UNC5D: variants seen among roughly 807,000 people sequenced by gnomAD.
The protein encoded by UNC5D is netrin receptor UNC5D.
In UNC5D, 39 loss-of-function variants were observed where a neutral mutation model predicts 105.4. The ratio of observed to expected loss-of-function variants is 0.37; its 90% confidence interval spans 0.29 to 0.48. UNC5D has a LOEUF of 0.48. UNC5D is among the 20% of genes least tolerant of loss of function. The probability of loss-of-function intolerance (pLI) is 0.98; values close to 1 mark genes in which losing one functional copy is unlikely to be tolerated. For missense variants in UNC5D, 991 were observed against 1,202.4 expected (o/e 0.82, Z 2.60); for synonymous variants, 452 against 450.4 (o/e 1.00, Z -0.04).
chr8:35,522,334 T>G lies in UNC5D; in HGVS notation c.104-26958T>G, dbSNP rs908868590. ...TAAACTCAATTCTCCTAGTCTTTGATGAGCTCTCATGTGAAGCCAAATCTA... is the reference window on the plus strand; with the variant it reads ...TAAACTCAATTCTCCTAGTCTTTGAGGAGCTCTCATGTGAAGCCAAATCTA... On this transcript the variant is annotated intron_variant, in intron 1 of 16. Coordinates refer to ENST00000404895, the MANE Select transcript of UNC5D (RefSeq NM_080872.4). Among the ~76,000 whole-genome samples, 26 of 152,326 alleles carry G rather than the reference T, an allele frequency of 1.7e-4. 1 individual carries two copies. The highest frequency in any genetic ancestry group is 6.5e-5 in the Admixed American group (1 of 15,298).
At chr8:35,257,695 AT>A (rs1804181537) in intron 1 of UNC5D, among the ~76,000 whole-genome samples, 1 of 152,138 alleles carries the variant, frequency 6.6e-6, no homozygotes, top group South Asian at 2.1e-4. Flanking sequence ...CTGAGCTTTT[AT>A]TGCCAGAGAC....
At chr8:35,581,223 G>C (rs921734817) in intron 3 of UNC5D, among the ~76,000 whole-genome samples, 2 of 152,008 alleles carry the variant, frequency 1.3e-5, no homozygotes, top group African/African-American at 4.8e-5. Context: ...TAGTATTCTA[G>C]ATCTCCATCT....
chr8:35,684,845 C>G, intron 6 of UNC5D, 96 bp downstream of exon 6: 1 of 1,427,230 alleles, frequency 7.0e-7, no homozygotes, highest in Non-Finnish European at 9.3e-7. Context: ...CAAAGTTACC[C>G]TCTCCCAAGT....
intron 10 of UNC5D, among the ~76,000 whole-genome samples, chr8:35,730,586 T>C (rs1216475921): frequency 6.6e-6 from 1 of 152,164 alleles, no homozygotes; most frequent in Non-Finnish European, 1.5e-5. Context: ...ATTAGATCAC[T>C]CACTCACCCA....
intron 1 of UNC5D, among the ~76,000 whole-genome samples, chr8:35,502,234 G>A (rs189914447): frequency 4.5e-4 from 68 of 152,290 alleles, no homozygotes; most frequent in Non-Finnish European, 1.5e-5. Context: ...TCAGAGGGCT[G>A]GATAAACAGT....
At chr8:35,456,415 G>A (rs2128994792) in intron 1 of UNC5D, among the ~76,000 whole-genome samples, 1 of 152,294 alleles carries the variant, frequency 6.6e-6, no homozygotes, top group South Asian at 2.1e-4. Flanking sequence ...CACACTTTGA[G>A]ATCCACTGCT....
chr8:35,371,399 G>C (rs2128925113), intron 1 of UNC5D, among the ~76,000 whole-genome samples: 1 of 152,176 alleles, frequency 6.6e-6, no homozygotes, highest in African/African-American at 2.4e-5. Context: ...GCCTTCTCTT[G>C]CCTTTGATGA....
At chr8:35,719,589 T>C (rs1828461776) in intron 8 of UNC5D, among the ~76,000 whole-genome samples, 1 of 152,180 alleles carries the variant, frequency 6.6e-6, no homozygotes, top group South Asian at 2.1e-4. Flanking sequence ...ATCACTACCT[T>C]GTCCTTACCA....
At chr8:35,648,670 G>C in intron 4 of UNC5D, among the ~76,000 whole-genome samples, 1 of 117,890 alleles carries the variant, frequency 8.5e-6, no homozygotes, top group Admixed American at 9.6e-5. Context: ...CAGAGTGAGA[G>C]TCCGTCTCAA....
At chr8:35,693,055 C>A (rs529853137) in intron 7 of UNC5D, among the ~76,000 whole-genome samples, 1 of 152,252 alleles carries the variant, frequency 6.6e-6, no homozygotes, top group African/African-American at 2.4e-5. Flanking sequence ...AAATGCTTTC[C>A]CATTATGGGA....
At chr8:35,583,232 A>G (rs747485382) in intron 3 of UNC5D, among the ~76,000 whole-genome samples, 7 of 152,176 alleles carry the variant, frequency 4.6e-5, no homozygotes, top group African/African-American at 7.2e-5. Context: ...ATGTGCCTGT[A>G]GTTCTAGCTT....
chr8:35,269,892 A>C (rs1182845012), intron 1 of UNC5D, among the ~76,000 whole-genome samples: 1 of 152,168 alleles, frequency 6.6e-6, no homozygotes, highest in Non-Finnish European at 1.5e-5. Flanking sequence ...GCATGTCCAT[A>C]TCCATTCTGC....
At chr8:35,592,824 AT>A (rs1253079335) in intron 3 of UNC5D, among the ~76,000 whole-genome samples, 1 of 151,994 alleles carries the variant, frequency 6.6e-6, no homozygotes, top group Non-Finnish European at 1.5e-5. Flanking sequence ...TCCCCCAGTC[AT>A]TGCCTTTAAT....
intron 1 of UNC5D, among the ~76,000 whole-genome samples, chr8:35,287,841 T>C (rs186643623): frequency 1.3e-5 from 2 of 151,838 alleles, no homozygotes; most frequent in Non-Finnish European, 2.9e-5. Context: ...TAAATAAATA[T>C]ACTTTAAAGC....
At chr8:35,782,952 T>C (rs1802571292) in intron 16 of UNC5D, among the ~76,000 whole-genome samples, 1 of 152,044 alleles carries the variant, frequency 6.6e-6, no homozygotes, top group African/African-American at 2.4e-5. Flanking sequence ...CCTGGCAACA[T>C]TGTGAGACCC....
chr8:35,261,297 C>T (rs1040756027), intron 1 of UNC5D, among the ~76,000 whole-genome samples: 2 of 152,106 alleles, frequency 1.3e-5, no homozygotes, highest in Non-Finnish European at 2.9e-5. Context: ...TATTCAGAAC[C>T]CTGCACAATT....
chr8:35,711,126 C>A (rs1385769240), intron 8 of UNC5D, among the ~76,000 whole-genome samples: 1 of 149,418 alleles, frequency 6.7e-6, no homozygotes, highest in Admixed American at 6.7e-5. Context: ...AAAAGGAAGT[C>A]TAGAGCACTT....
chr8:35,553,405 A>T (rs1170421349), intron 2 of UNC5D, among the ~76,000 whole-genome samples: 1 of 152,170 alleles, frequency 6.6e-6, no homozygotes, highest in African/African-American at 2.4e-5. Context: ...GAAACTGAGC[A>T]AAACAAAAAA....
chr8:35,603,025 T>G (rs1223675645), intron 4 of UNC5D, among the ~76,000 whole-genome samples: 1 of 151,888 alleles, frequency 6.6e-6, no homozygotes, highest in Admixed American at 6.6e-5. Context: ...TTTTGAAGGG[T>G]TTTTTGTGTC....
Sources: gnomAD v4.1 joint callset for allele counts (sites outside exome capture counted in the v4.1 genomes callset) on GRCh38, gnomAD v4.1.1 for gene constraint, MANE v1.5 for transcripts, NCBI Gene and HGNC (gene_info 2026-07-23, HGNC 2026-07-21) for gene names.